The following ZNF133 variants were observed in gnomAD, a reference collection of about 807,000 sequenced individuals.
The protein encoded by ZNF133 is zinc finger protein 133.
Under a neutral mutation model 54.9 loss-of-function variants are expected in ZNF133, and 26 were observed. That is an observed-to-expected ratio of 0.47 (90% CI 0.35 to 0.66). ZNF133 has a LOEUF of 0.66. Ranked by LOEUF, ZNF133 falls within the 30% of genes least tolerant of loss-of-function variation. The pLI is 0.01. For missense variants in ZNF133, 653 were observed against 820.8 expected (o/e 0.80, Z 2.50); for synonymous variants, 298 against 320.3 (o/e 0.93, Z 0.74).
At chr20:18,291,228 T>C (rs1366884744) in intron 1 of ZNF133, among the ~76,000 whole-genome samples, 2 of 152,220 alleles carry the variant, frequency 1.3e-5, no homozygotes, top group Admixed American at 1.3e-4. Context: ...CTGAACTCCT[T>C]GAAAGAATTA....
At position 18,315,768 on chromosome 20, in the gene ZNF133, G is replaced by C. The variant is rs1416585796; in HGVS notation, c.917G>C (p.Gly306Ala). 6.2e-7 allele frequency: 1 copy of C among 1,614,098 alleles called. No individual in the cohort carries two copies. Among genetic ancestry groups the C allele is most frequent in the East Asian group, 2.2e-5 (1 of 44,902 alleles). The change falls in exon 7 of 7, where the codon GGC becomes GCC. Residue 306 changes from glycine to alanine, a missense_variant. Around this residue, in one of 4 missense-constraint regions of ZNF133, gnomAD observed 292 missense variants for 431.6 expected, o/e 0.68. Coordinates refer to ENST00000425686, the MANE Select transcript of ZNF133 (RefSeq NM_001352452.2). Reference sequence around the variant, plus strand: ...TACATGTGCAGTGAGTGTGGGCGAGGCTTCAGCCAGAAGTCAAACCTCATC... The same window carrying C: ...TACATGTGCAGTGAGTGTGGGCGAGCCTTCAGCCAGAAGTCAAACCTCATC... Reference protein sequence around the residue: ...KPYMCSECGRGFSQKSNLIIH... With the variant: ...KPYMCSECGRAFSQKSNLIIH...
At chr20:18,313,345 T>C (rs1407456681) in intron 6 of ZNF133, 2 of 152,202 alleles carry the variant, frequency 1.3e-5, no homozygotes, top group Admixed American at 6.5e-5. Flanking sequence ...ATACATTTAG[T>C]GTAAATAAAA....
At chr20:18,311,931 A>AT (rs1185840311) in intron 6 of ZNF133, among the ~76,000 whole-genome samples, 1 of 152,184 alleles carries the variant, frequency 6.6e-6, no homozygotes, top group Non-Finnish European at 1.5e-5. Context: ...AGCCTATCTG[A>AT]TTTTTAAAAT....
chr20:18,288,626 C>T (rs2040173003), intron 1 of ZNF133, 22 bp downstream of exon 1: 3 of 398,504 alleles, frequency 7.5e-6, no homozygotes, highest in Non-Finnish European at 1.3e-5. Context: ...TCCCGCGGGA[C>T]CCTTGCCGCA....
At chr20:18,309,109 C>G (rs1275688301) in intron 6 of ZNF133, among the ~76,000 whole-genome samples, 1 of 152,214 alleles carries the variant, frequency 6.6e-6, no homozygotes, top group Non-Finnish European at 1.5e-5. Context: ...TCTTTGTCGT[C>G]TCTTCCTCTT....
Position 18,306,325 on chromosome 20 carries a change from TCA to T in ZNF133, c.151_152del (p.Thr51ProfsTer51), listed in dbSNP as rs1175400043. On this transcript the variant is annotated frameshift_variant, in exon 6 of 7. Transcript: ENST00000425686. LOFTEE classifies it high-confidence loss of function. ...ATTTCATTTTCTAAACCAGAACTCA[TCA>T]CCCAGCTGGAGCAAGGGAAAGAGAC... The T allele has an allele frequency of 6.2e-7, 1 of 1,613,802 alleles. No individual in the cohort carries two copies. Among genetic ancestry groups the T allele is most frequent in the Non-Finnish European group, 8.5e-7 (1 of 1,179,934 alleles).
At chr20:18,304,738 A>G (rs536817230) in intron 3 of ZNF133, among the ~76,000 whole-genome samples, 1 of 152,352 alleles carries the variant, frequency 6.6e-6, no homozygotes, top group South Asian at 2.1e-4. Flanking sequence ...GGAGGAAAGA[A>G]TGGGAAGTTA....
intron 1 of ZNF133, among the ~76,000 whole-genome samples, chr20:18,296,315 A>T (rs2042225515): frequency 6.6e-6 from 1 of 152,138 alleles, no homozygotes; most frequent in African/African-American, 2.4e-5. Flanking sequence ...ATAACATAAA[A>T]TTTACCATTT....
Position 18,305,771 on chromosome 20 carries a change from G to A in ZNF133, c.85G>A (p.Val29Met). 6.2e-7 allele frequency: 1 copy of A among 1,614,032 alleles called. No homozygotes were observed. Among genetic ancestry groups the A allele is most frequent in the Non-Finnish European group, 8.5e-7 (1 of 1,179,948 alleles). The part of the protein sequence containing the change: ...SPAQRTLYRE[V>M]MLENYSNLVS... Reference sequence around the variant, plus strand: ...TGCTCAAAGGACTCTGTACAGAGAGGTGATGCTGGAGAACTACAGCAACCT... The same window carrying A: ...TGCTCAAAGGACTCTGTACAGAGAGATGATGCTGGAGAACTACAGCAACCT... The change falls in exon 5 of 7, where the codon GTG becomes ATG. Residue 29 changes from valine (V) to methionine (M), a missense_variant. By Grantham distance (21) the Val-to-Met change is conservative (BLOSUM62 1). This residue lies in a region of ZNF133 where 227 missense variants were observed against 233.9 expected (regional missense o/e 0.97). Transcript: ENST00000425686. The surrounding 1 kb of genome is among the most constrained non-coding windows in gnomAD (Gnocchi z 4.7).
Position 18,288,599 on chromosome 20 carries a change from G to C in ZNF133, c.-437G>C, listed in dbSNP as rs1183634488. The stretch of plus-strand genomic sequence containing the variant: ...TGGAGCGACCCCTTGTTCTTTGGTG[G>C]CGCTGGTGAGTGAGGCTCCCGCGGG... On this transcript the variant is annotated 5_prime_UTR_variant, in exon 1 of 7. Coordinates refer to ENST00000425686, the MANE Select transcript of ZNF133 (RefSeq NM_001352452.2). 1 of 398,716 alleles carries C rather than the reference G, an allele frequency of 2.5e-6. No homozygotes were observed. The highest frequency in any genetic ancestry group is 4.4e-6 in the Non-Finnish European group (1 of 226,114). 24.7% of individuals were successfully genotyped at this position (398,716 alleles called of 1,614,324 possible).
chr20:18,304,646 G>A (rs1014300909), intron 3 of ZNF133, among the ~76,000 whole-genome samples: 3 of 152,166 alleles, frequency 2.0e-5, no homozygotes, highest in Non-Finnish European at 4.4e-5. Context: ...GGACATATAT[G>A]ATTGCACTTA....
At chr20:18,302,807 AC>A (rs1355828284) in intron 3 of ZNF133, among the ~76,000 whole-genome samples, 1 of 152,216 alleles carries the variant, frequency 6.6e-6, no homozygotes, top group Admixed American at 6.5e-5. Flanking sequence ...ACACACACAA[AC>A]CTATTAGAAC....
intron 6 of ZNF133, chr20:18,310,125 CCTAT>C (rs1364162178): frequency 1.0e-5 from 13 of 1,302,774 alleles, no homozygotes; most frequent in Admixed American, 3.7e-5. Context: ...TAAAGCGAAA[CCTAT>C]CTTTTTTGTC....
chr20:18,307,057 C>CT (rs1165401307), intron 6 of ZNF133, among the ~76,000 whole-genome samples: 1 of 130,184 alleles, frequency 7.7e-6, no homozygotes. Flanking sequence ...CCAATCACCC[C>CT]CCCTCCCAAC....
At chr20:18,306,906 C>T in intron 6 of ZNF133, 2 of 455,530 alleles carry the variant, frequency 4.4e-6, no homozygotes, top group African/African-American at 4.3e-5. Context: ...CCATCAAAGC[C>T]TGAACTATTT....
intron 6 of ZNF133, chr20:18,310,277 A>G: frequency 5.2e-6 from 8 of 1,533,746 alleles, no homozygotes; most frequent in Non-Finnish European, 7.0e-6. Flanking sequence ...AACCCAAAAT[A>G]TATGTGTAAC....
chr20:18,300,890 T>C (rs1315996648), intron 3 of ZNF133, among the ~76,000 whole-genome samples: 3 of 151,900 alleles, frequency 2.0e-5, no homozygotes, highest in African/African-American at 7.3e-5. Flanking sequence ...AAATAATGGA[T>C]AGAACAATAA....
intron 1 of ZNF133, among the ~76,000 whole-genome samples, chr20:18,292,955 T>C (rs926717): frequency 0.31 from 46,934 of 152,160 alleles, 7,804 homozygotes; most frequent in Non-Finnish European, 0.37. Flanking sequence ...TTGAGAGAGT[T>C]GGCAGAGGTG....
At chr20:18,292,363 T>TCATCTGTAC (rs1373715522) in intron 1 of ZNF133, among the ~76,000 whole-genome samples, 1 of 152,202 alleles carries the variant, frequency 6.6e-6, no homozygotes, top group East Asian at 1.9e-4. Flanking sequence ...CTCTTGGCCT[T>TCATCTGTAC]CATCTGTACC....
Sources: gnomAD v4.1 joint callset for allele counts (sites outside exome capture counted in the v4.1 genomes callset) on GRCh38, gnomAD v4.1.1 for gene constraint, gnomAD v4.1.1 regional missense constraint, Gnocchi (gnomAD v3.1) non-coding constraint, MANE v1.5 for transcripts, NCBI Gene and HGNC (gene_info 2026-07-23, HGNC 2026-07-21) for gene names.